Variants in CCDC180 observed in about 807,000 individuals in gnomAD.
CCDC180 encodes the protein coiled-coil domain containing 180, also known as coiled-coil domain-containing protein 180.
CCDC180 carries 154 observed loss-of-function variants against 209.2 expected under a neutral mutation model. The ratio of observed to expected loss-of-function variants is 0.74; its 90% CI spans 0.65 to 0.84. The LOEUF (loss-of-function observed/expected upper bound fraction) is 0.84, where lower values mean the gene tolerates loss of function less well. Among genes scored for constraint, CCDC180 ranks in the 40% least tolerant of loss-of-function variants. CCDC180 has a pLI of 0.00. For missense variants in CCDC180, 1,874 were observed against 1,997.3 expected, an observed-to-expected ratio of 0.94 and a Z score of 1.18; for synonymous variants, 778 against 749.1, an observed-to-expected ratio of 1.04 and a Z score of -0.63.
At chr9:97,362,098 C>T (rs1057113723) in intron 27 of CCDC180, 98 bp from the exon 28 acceptor site, 136 of 1,489,446 alleles carry the variant, frequency 9.1e-5, no homozygotes, top group Admixed American at 2.6e-4. Flanking sequence ...GACTGACTGA[C>T]GTGGCGCTGA....
At chr9:97,354,059 G>A (rs959023362) in intron 22 of CCDC180, among the ~76,000 whole-genome samples, 10 of 147,550 alleles carry the variant, frequency 6.8e-5, no homozygotes, top group South Asian at 2.2e-4. Context: ...GTGCAGTGGC[G>A]CAATCTCGGC....
chr9:97,316,570 C>T (rs895030987), intron 8 of CCDC180, among the ~76,000 whole-genome samples: 3 of 152,208 alleles, frequency 2.0e-5, no homozygotes, highest in African/African-American at 2.4e-5. Flanking sequence ...GATCATCCCA[C>T]GCCCATGCCA....
chr9:97,330,576 G>A lies in CCDC180; in HGVS notation c.2083G>A (p.Glu695Lys). The A allele has an allele frequency of 6.2e-7, 1 of 1,614,144 alleles. No individual in the cohort carries two copies. Among genetic ancestry groups the A allele is most frequent in the Non-Finnish European group, 8.5e-7 (1 of 1,180,034 alleles). The change falls in exon 18 of 37, where the codon GAA (glutamate) becomes AAA (lysine). Residue 695 changes from glutamate to lysine, a missense_variant. Glu to Lys is a moderately conservative substitution (Grantham distance 56). Transcript: ENST00000529487. ...AGAAGGCTCTATTCAGGGACTGGAA[G>A]AAATGCAGGTTGAAAGAGAGGGCTC... Reference protein sequence around the residue: ...SKEGSIQGLEEMQVEREGSLN... With the variant: ...SKEGSIQGLEKMQVEREGSLN...
intron 18 of CCDC180, among the ~76,000 whole-genome samples, chr9:97,340,422 G>C (rs902437485): frequency 6.6e-6 from 1 of 152,164 alleles, no homozygotes; most frequent in East Asian, 1.9e-4. Flanking sequence ...GACACGAGCT[G>C]TTCCAGTATA....
intron 11 of CCDC180, among the ~76,000 whole-genome samples, chr9:97,322,529 C>G (rs546743159): frequency 6.6e-6 from 1 of 152,224 alleles, no homozygotes; most frequent in Non-Finnish European, 1.5e-5. Flanking sequence ...TCTCCACTCT[C>G]ATTACTGGTT....
At chr9:97,358,417 C>T (rs1826650765) in intron 25 of CCDC180, among the ~76,000 whole-genome samples, 1 of 152,116 alleles carries the variant, frequency 6.6e-6, no homozygotes, top group Non-Finnish European at 1.5e-5. Flanking sequence ...CCATCGCATT[C>T]GGCCTCACTT....
At chr9:97,316,975 C>T (rs879561823) in intron 8 of CCDC180, 90 bp from the exon 9 acceptor site, 69 of 1,322,240 alleles carry the variant, frequency 5.2e-5, no homozygotes, top group Non-Finnish European at 6.7e-5. Flanking sequence ...CTCCCCTCTC[C>T]AGCCTCCCAC....
chr9:97,325,788 C>T (rs1342941960), intron 14 of CCDC180, among the ~76,000 whole-genome samples: 1 of 152,192 alleles, frequency 6.6e-6, no homozygotes, highest in Non-Finnish European at 1.5e-5. Flanking sequence ...AGCCCCAGTG[C>T]CTATCACAGC....
In CCDC180 at chr9:97,307,788, A is replaced by G. The variant is rs148245431; in HGVS notation, c.-100A>G. 44 of 1,614,202 alleles carry G rather than the reference A, an allele frequency of 2.7e-5. No individual in the cohort carries two copies. In the African/African-American group the frequency reaches 5.6e-4, roughly 21 times the overall value. ...GCGGGGAGAACCGGCCTCCTGCTCG[A>G]GTTCAGAGCTCATCTGAGGTTAGTT... On this transcript the variant is annotated 5_prime_UTR_variant, in exon 1 of 37. Transcript: ENST00000529487.
intron 24 of CCDC180, 143 bp from the exon 25 acceptor site, chr9:97,357,484 A>G (rs924494217): frequency 3.2e-5 from 22 of 678,922 alleles, no homozygotes; most frequent in African/African-American, 1.5e-4. Context: ...ATTTGTATCA[A>G]TGTCTGGTAA....
In CCDC180 at chr9:97,316,649, T is replaced by C. The variant is rs74693530; in HGVS notation, c.796-416T>C. Among the ~76,000 whole-genome samples the C allele has an allele frequency of 9.3e-3, 1,417 of 152,272 alleles. 40 individuals are homozygous for C. In the East Asian group the frequency reaches 0.095, roughly 10 times the overall value. Reference sequence around the variant, plus strand: ...TTCTAGCTCTGGCCTCATTTTGCCATTGGGTCTCGGTTCTCCTAACAACCA... The same window carrying C: ...TTCTAGCTCTGGCCTCATTTTGCCACTGGGTCTCGGTTCTCCTAACAACCA... On this transcript the variant is annotated intron_variant, in intron 8 of 36. Coordinates refer to ENST00000529487, the MANE Select transcript of CCDC180 (RefSeq NM_020893.6).
chr9:97,310,467 A>C (rs1446563465), intron 3 of CCDC180, among the ~76,000 whole-genome samples: 5 of 152,150 alleles, frequency 3.3e-5, no homozygotes, highest in African/African-American at 1.2e-4. Context: ...CAAATTCAGA[A>C]GTTCCTAAGC....
chr9:97,368,540 G>A (rs903582708), intron 31 of CCDC180, among the ~76,000 whole-genome samples: 4 of 152,066 alleles, frequency 2.6e-5, no homozygotes, highest in Non-Finnish European at 5.9e-5. Flanking sequence ...ATGGTACTGG[G>A]TGAAGAAAAA....
chr9:97,345,604 A>C (rs773202414), intron 19 of CCDC180: 1 of 414,978 alleles, frequency 2.4e-6, no homozygotes, highest in Non-Finnish European at 4.7e-6. Flanking sequence ...TATATTCTGT[A>C]GCCGGGCATG....
Position 97,362,268 on chromosome 9 carries a change from C to A in CCDC180, c.3729C>A (p.Ala1243=), listed in dbSNP as rs1826779436. The change falls in exon 28 of 37, where the codon GCC becomes GCA. Residue 1243 remains alanine, a synonymous_variant. Coordinates refer to ENST00000529487, the MANE Select transcript of CCDC180 (RefSeq NM_020893.6). ...DPSQTGRGAW[A]CGSRGSSEAG... is the part of the protein sequence containing the mutation. ...CCCAGACAGGTAGAGGCGCATGGGC[C>A]TGTGGGTCTCGGGGCAGCAGTGAGG... 1 of 1,614,172 alleles carries A rather than the reference C, an allele frequency of 6.2e-7. No homozygotes were observed. The highest frequency in any genetic ancestry group is 1.3e-5 in the African/African-American group (1 of 75,028).
chr9:97,323,999 C>T, intron 13 of CCDC180, 96 bp downstream of exon 13: 3 of 1,418,870 alleles, frequency 2.1e-6, no homozygotes, highest in Non-Finnish European at 1.9e-6. Context: ...CTCCAACTTG[C>T]ATGTTCCTAG....
chr9:97,365,956 T>C (rs1826908681), intron 30 of CCDC180, among the ~76,000 whole-genome samples: 1 of 152,244 alleles, frequency 6.6e-6, no homozygotes, highest in Admixed American at 6.5e-5. Context: ...ATTTCTTAGA[T>C]ATCAACTGCA....
intron 24 of CCDC180, among the ~76,000 whole-genome samples, chr9:97,355,320 A>T (rs1826547835): frequency 6.6e-6 from 1 of 152,040 alleles, no homozygotes; most frequent in African/African-American, 2.4e-5. Context: ...ATGCCCAGCC[A>T]ATTTTTTCTA....
intron 4 of CCDC180, 114 bp downstream of exon 4, chr9:97,312,315 T>A: frequency 1.2e-6 from 1 of 841,786 alleles, no homozygotes; most frequent in Non-Finnish European, 1.9e-6. Context: ...GCTCCCACTG[T>A]GTTCCTCGGC....
Sources: allele counts gnomAD v4.1 joint callset (sites outside exome capture counted in the v4.1 genomes callset), GRCh38; gene constraint gnomAD v4.1.1; transcripts MANE v1.5; gene names NCBI Gene and HGNC (gene_info 2026-07-23, HGNC 2026-07-21).